Variants in ARHGEF37 observed in about 807,000 individuals in gnomAD.
The protein encoded by ARHGEF37 is Rho guanine nucleotide exchange factor 37.
A neutral mutation model predicts 71.1 loss-of-function variants in ARHGEF37; 55 were observed. That is an observed-to-expected ratio of 0.77 (90% CI 0.62 to 0.97). The LOEUF is 0.97. Ranked by LOEUF, ARHGEF37 falls within the 50% of genes least tolerant of loss-of-function variation. The pLI is 0.00. For synonymous variants in ARHGEF37, 327 were observed against 350.6 expected, an observed-to-expected ratio of 0.93 and a Z score of 0.75; for missense variants, 765 against 836.8, an observed-to-expected ratio of 0.91 and a Z score of 1.06.
intron 11 of ARHGEF37, 80 bp downstream of exon 11, chr5:149,627,351 T>G: frequency 6.7e-7 from 1 of 1,493,146 alleles, no homozygotes; most frequent in Non-Finnish European, 9.0e-7. Context: ...CCGGGCACTC[T>G]TGTGGGTCAA....
rs1763240957 is a variant in ARHGEF37 at position 149,586,459 on chromosome 5, C to T, written c.-12+4835C>T. 2.0e-5 allele frequency among the ~76,000 whole-genome samples: 3 copies of T among 152,182 alleles called. No individual in the cohort carries two copies. The South Asian group carries it at 6.2e-4, about 32-fold the overall frequency. On this transcript the variant is annotated intron_variant, in intron 1 of 12. Transcript: ENST00000333677. ...TTAATTTTCAGTAGAGATGGGTTTT[C>T]ACCATGTTGGCCAGGCTGGTCTCGA...
At chr5:149,561,272 CAAA>C (rs11334969) in intron 1 of ARHGEF37, among the ~76,000 whole-genome samples, 4 of 63,252 alleles carry the variant, frequency 6.3e-5, no homozygotes, top group East Asian at 7.9e-4. Flanking sequence ...GACTCTGTCT[CAAA>C]AAAAAAAAAA....
chr5:149,623,867 C>A, intron 9 of ARHGEF37, 145 bp from the exon 10 acceptor site: 2 of 1,106,260 alleles, frequency 1.8e-6, no homozygotes, highest in Non-Finnish European at 2.4e-6. Flanking sequence ...GACGAAAATG[C>A]AAGAGATCCT....
chr5:149,628,037 T>C (rs1752749611), intron 11 of ARHGEF37, among the ~76,000 whole-genome samples: 1 of 152,176 alleles, frequency 6.6e-6, no homozygotes, highest in Non-Finnish European at 1.5e-5. Context: ...GTGAGTCAAT[T>C]AAAAAATTAA....
intron 1 of ARHGEF37, among the ~76,000 whole-genome samples, chr5:149,583,204 T>G (rs1247477653): frequency 6.6e-6 from 1 of 152,218 alleles, no homozygotes; most frequent in Non-Finnish European, 1.5e-5. Context: ...TGGCACAATC[T>G]TGGTTCACTG....
upstream of ARHGEF37, among the ~76,000 whole-genome samples, chr5:149,580,222 A>T (rs1451268991): frequency 6.6e-6 from 1 of 151,974 alleles, no homozygotes; most frequent in Non-Finnish European, 1.5e-5. Flanking sequence ...CACCACGCCC[A>T]GCTAATTTTT....
At chr5:149,598,737 C>CATATATAT (rs201234693) in intron 2 of ARHGEF37, among the ~76,000 whole-genome samples, 8 of 104,654 alleles carry the variant, frequency 7.6e-5, no homozygotes, top group African/African-American at 2.8e-4. Context: ...AAATAAATCT[C>CATATATAT]ATATATATAT....
At chr5:149,564,798 T>G (rs1183449329) in intron 1 of ARHGEF37, among the ~76,000 whole-genome samples, 1 of 152,144 alleles carries the variant, frequency 6.6e-6, no homozygotes, top group Non-Finnish European at 1.5e-5. Flanking sequence ...CACTCCAGCC[T>G]GGGCAACAAG....
At chr5:149,575,671 A>ATTT (rs751297275) in intron 1 of ARHGEF37, among the ~76,000 whole-genome samples, 20 of 107,300 alleles carry the variant, frequency 1.9e-4, no homozygotes, top group Non-Finnish European at 2.3e-4. Flanking sequence ...CCAAATGACT[A>ATTT]TTTTTTTTTT....
In ARHGEF37 at chr5:149,616,588, C is replaced by T; in HGVS notation, c.480C>T (p.Gly160=). 1.2e-6 allele frequency: 2 copies of T among 1,609,556 alleles called. No individual in the cohort carries two copies. Among genetic ancestry groups the T allele is most frequent in the East Asian group, 2.2e-5 (1 of 44,808 alleles). The change falls in exon 5 of 13, where the codon GGC becomes GGT. Residue 160 remains glycine, a synonymous_variant. Coordinates refer to ENST00000333677, the MANE Select transcript of ARHGEF37 (RefSeq NM_001001669.3). ...TCAGGCCGCAAGCTGGATCTTCAGG[C>T]CTCAGTTTCTTGCTGGTAATTCCTC... ...EAVVPQAGSS[G]LSFLLVIPLQ...
intron 3 of ARHGEF37, among the ~76,000 whole-genome samples, chr5:149,605,185 C>T (rs1377056882): frequency 1.3e-5 from 2 of 149,312 alleles, no homozygotes; most frequent in African/African-American, 2.5e-5. Flanking sequence ...CGAGATTGTG[C>T]CACTGCACTG....
intron 10 of ARHGEF37, among the ~76,000 whole-genome samples, chr5:149,625,649 C>A (rs900650804): frequency 6.6e-6 from 1 of 152,208 alleles, no homozygotes; most frequent in Non-Finnish European, 1.5e-5. Flanking sequence ...AGAGACCTCA[C>A]CGACTAGGGG....
rs1257125091 is a variant in ARHGEF37, at chr5:149,597,378, G to GT, written c.-11-380dup. 3.9e-5 allele frequency among the ~76,000 whole-genome samples: 6 copies of GT among 152,146 alleles called. No homozygotes were observed. In the East Asian group the frequency reaches 1.2e-3, roughly 29 times the overall value. ...GTTCAAGTGATTCTTCTGCCTCAGC[G>GT]TATCTGAGTAGCTGGGACTACAGGA... On this transcript the variant is annotated intron_variant, in intron 1 of 12. Transcript: ENST00000333677.
intron 3 of ARHGEF37, among the ~76,000 whole-genome samples, chr5:149,605,929 C>T (rs981453663): frequency 1.3e-5 from 2 of 152,136 alleles, no homozygotes; most frequent in African/African-American, 4.8e-5. Flanking sequence ...AGATGAGTAT[C>T]CCCTTTTATG....
intron 12 of ARHGEF37, 149 bp downstream of exon 12, chr5:149,629,115 T>G (rs1194337757): frequency 9.2e-7 from 1 of 1,089,352 alleles, no homozygotes; most frequent in Admixed American, 3.0e-5. Flanking sequence ...GCCATGCCAG[T>G]GTCCCAGCCA....
At chr5:149,556,403 T>TA (rs60715194) in intron 1 of ARHGEF37, among the ~76,000 whole-genome samples, 2 of 151,790 alleles carry the variant, frequency 1.3e-5, no homozygotes, top group East Asian at 1.9e-4. Flanking sequence ...TTTATTTATT[T>TA]TGAGATGGAG....
intron 1 of ARHGEF37, among the ~76,000 whole-genome samples, chr5:149,552,564 G>A (rs1204612625): frequency 1.3e-5 from 2 of 152,300 alleles, no homozygotes; most frequent in East Asian, 1.9e-4. Flanking sequence ...GGGGGCGGGC[G>A]CAGTGGCTCA....
chr5:149,629,873 A>G (rs991969056), intron 12 of ARHGEF37, among the ~76,000 whole-genome samples: 1 of 152,244 alleles, frequency 6.6e-6, no homozygotes, highest in African/African-American at 2.4e-5. Context: ...AGACGAATGA[A>G]ACACCGGTAC....
In ARHGEF37 at chr5:149,597,813, G is replaced by A. The variant is rs1279737787; in HGVS notation, c.44G>A (p.Ser15Asn). ...GACGAGCCATCCTCCAGGTCAGGGA[G>A]TCCGGACAGGGAAGGTAGGGCCTCT... is the stretch of plus-strand genomic sequence containing the variant. The part of the protein sequence containing the change: ...GADEPSSRSG[S>N]PDREGRASED... Residue 15 changes from serine (S) to asparagine (N), a missense_variant, in exon 2 of 13, where the codon AGT becomes AAT. Physicochemically the swap from Ser to Asn is conservative, Grantham distance 46. Around this residue, in one of 5 missense-constraint regions of ARHGEF37, gnomAD observed 201 missense variants for 217.5 expected, o/e 0.92. Coordinates refer to ENST00000333677, the MANE Select transcript of ARHGEF37 (RefSeq NM_001001669.3). The A allele has an allele frequency of 6.3e-7, 1 of 1,592,962 alleles. No individual in the cohort carries two copies. Among genetic ancestry groups the A allele is most frequent in the Non-Finnish European group, 8.5e-7 (1 of 1,171,066 alleles).
Sources: allele counts gnomAD v4.1 joint callset (sites outside exome capture counted in the v4.1 genomes callset), GRCh38; gene constraint gnomAD v4.1.1; regional missense constraint gnomAD v4.1.1; transcripts MANE v1.5; gene names NCBI Gene and HGNC (gene_info 2026-07-23, HGNC 2026-07-21).